KCNIP4: variants seen among roughly 807,000 people sequenced by gnomAD.
The protein encoded by KCNIP4 is potassium voltage-gated channel interacting protein 4, also known as Kv channel-interacting protein 4.
KCNIP4 carries 12 observed loss-of-function variants against 34.0 expected under a neutral mutation model. The observed-to-expected ratio is 0.35, with a 90% CI of 0.23 to 0.57. KCNIP4 has a LOEUF of 0.57. Ranked by LOEUF, KCNIP4 falls within the 20% of genes least tolerant of loss-of-function variation. KCNIP4 has a pLI of 0.83. For missense variants in KCNIP4, 238 were observed against 311.7 expected (o/e 0.76, Z 1.78); for synonymous variants, 124 against 102.2 (o/e 1.21, Z -1.29).
chr4:21,173,429 G>A lies in KCNIP4; in HGVS notation c.62-290720C>T, dbSNP rs538940677. 3.9e-5 allele frequency among the ~76,000 whole-genome samples: 6 copies of A among 152,214 alleles called. No homozygotes were observed. In the South Asian group the frequency reaches 1.0e-3, roughly 26 times the overall value. ...TCCCCACACAAAGAAATAACAAAGCGATGAGAGGTTTCAACAGTCAATAGC... is the reference window on the plus strand; with the variant it reads ...TCCCCACACAAAGAAATAACAAAGCAATGAGAGGTTTCAACAGTCAATAGC... On this transcript the variant is annotated intron_variant, in intron 1 of 8. Transcript: ENST00000382152.
intron 1 of KCNIP4, among the ~76,000 whole-genome samples, chr4:21,245,839 G>A (rs1466148872): frequency 6.6e-6 from 1 of 152,132 alleles, no homozygotes; most frequent in African/African-American, 2.4e-5. Flanking sequence ...CACGTAGCTA[G>A]GGTGTCATCT....
At chr4:20,807,893 G>A (rs1352877050) in intron 3 of KCNIP4, among the ~76,000 whole-genome samples, 1 of 152,056 alleles carries the variant, frequency 6.6e-6, no homozygotes, top group Non-Finnish European at 1.5e-5. Flanking sequence ...TGTCTTCACT[G>A]GCGCACCTAC....
At chr4:21,213,138 G>A (rs762263883) in intron 1 of KCNIP4, among the ~76,000 whole-genome samples, 12 of 152,134 alleles carry the variant, frequency 7.9e-5, no homozygotes, top group South Asian at 2.1e-4. Context: ...TCTCCACTGC[G>A]TCAGCCATGG....
chr4:21,737,682 G>A (rs1716085550), intron 1 of KCNIP4, among the ~76,000 whole-genome samples: 1 of 152,178 alleles, frequency 6.6e-6, no homozygotes, highest in African/African-American at 2.4e-5. Flanking sequence ...TAGGTCCCTG[G>A]TTCTGTGGCT....
intron 1 of KCNIP4, among the ~76,000 whole-genome samples, chr4:21,407,987 C>T (rs1168237941): frequency 6.6e-6 from 1 of 152,120 alleles, no homozygotes; most frequent in Non-Finnish European, 1.5e-5. Flanking sequence ...ACAACTGAAT[C>T]TCTCTAGGCC....
At chr4:21,598,481 T>A (rs1197151906) in intron 1 of KCNIP4, among the ~76,000 whole-genome samples, 1 of 152,028 alleles carries the variant, frequency 6.6e-6, no homozygotes. Context: ...ATGAGAGTGG[T>A]TGTGTGCCAA....
chr4:21,823,810 T>C (rs1433102264), intron 1 of KCNIP4, among the ~76,000 whole-genome samples: 5 of 152,180 alleles, frequency 3.3e-5, no homozygotes, highest in African/African-American at 1.2e-4. Flanking sequence ...GAATCCCTCT[T>C]GGTAAATCAC....
chr4:21,653,032 G>C (rs1747631056), intron 1 of KCNIP4, among the ~76,000 whole-genome samples: 1 of 152,166 alleles, frequency 6.6e-6, no homozygotes, highest in African/African-American at 2.4e-5. Flanking sequence ...AAATGTAAAT[G>C]TGGCTACAGA....
At chr4:21,762,015 T>C (rs1718090671) in intron 1 of KCNIP4, among the ~76,000 whole-genome samples, 1 of 152,164 alleles carries the variant, frequency 6.6e-6, no homozygotes, top group South Asian at 2.1e-4. Context: ...TATATTATCA[T>C]ATAATCCCCA....
At chr4:21,504,475 A>AAAAAAAGAAAGAAAGAAAGAAAG (rs1264431211) in intron 1 of KCNIP4, among the ~76,000 whole-genome samples, 1 of 101,850 alleles carries the variant, frequency 9.8e-6, no homozygotes, top group African/African-American at 3.9e-5. Context: ...CAAAAAAAAA[A>AAAAAAAGAAAGAAAGAAAGAAAG]AAAGAAAGAA....
chr4:21,341,807 C>G (rs1043146093), intron 1 of KCNIP4, among the ~76,000 whole-genome samples: 2 of 152,074 alleles, frequency 1.3e-5, no homozygotes, highest in Admixed American at 1.3e-4. Context: ...CTGCTATCAC[C>G]ACAGTTTTGA....
At chr4:20,890,381 A>T (rs1262987292) in intron 1 of KCNIP4, among the ~76,000 whole-genome samples, 5 of 152,144 alleles carry the variant, frequency 3.3e-5, no homozygotes, top group Admixed American at 3.3e-4. Context: ...AATTTTAAAT[A>T]TGGTGGCCAG....
chr4:21,659,481 T>C (rs938812862), intron 1 of KCNIP4, among the ~76,000 whole-genome samples: 17 of 152,162 alleles, frequency 1.1e-4, no homozygotes, highest in African/African-American at 4.1e-4. Context: ...CCTCTTAGCC[T>C]GGTAGTCAAG....
chr4:21,198,086 A>G (rs1756189458), intron 1 of KCNIP4, among the ~76,000 whole-genome samples: 1 of 152,222 alleles, frequency 6.6e-6, no homozygotes, highest in African/African-American at 2.4e-5. Context: ...ACATATGAGT[A>G]ATTTTCAGAA....
chr4:21,736,471 T>C (rs1199046340), intron 1 of KCNIP4, among the ~76,000 whole-genome samples: 2 of 152,240 alleles, frequency 1.3e-5, no homozygotes, highest in Admixed American at 6.5e-5. Flanking sequence ...AAGTATTTCA[T>C]GATCTTTTCC....
chr4:21,866,751 G>A (rs1364526973), intron 1 of KCNIP4, among the ~76,000 whole-genome samples: 1 of 141,802 alleles, frequency 7.1e-6, no homozygotes, highest in African/African-American at 2.6e-5. Flanking sequence ...GAATTCCATA[G>A]TTCAGCCTGG....
intron 1 of KCNIP4, among the ~76,000 whole-genome samples, chr4:20,939,209 C>G (rs1350361130): frequency 6.6e-6 from 1 of 152,114 alleles, no homozygotes; most frequent in African/African-American, 2.4e-5. Context: ...CTTGATCTCA[C>G]TCCATAGGTT....
chr4:20,765,312 G>C (rs1428642414), intron 3 of KCNIP4, among the ~76,000 whole-genome samples: 1 of 152,032 alleles, frequency 6.6e-6, no homozygotes, highest in Admixed American at 6.6e-5. Flanking sequence ...CTCCTGGAGA[G>C]TCATCTGTGG....
chr4:20,834,253 G>A (rs1272290844), intron 3 of KCNIP4, among the ~76,000 whole-genome samples: 1 of 152,192 alleles, frequency 6.6e-6, no homozygotes, highest in Non-Finnish European at 1.5e-5. Context: ...CCCTGCCTAA[G>A]TGAAATTAGG....
Sources: gnomAD v4.1 joint callset for allele counts (sites outside exome capture counted in the v4.1 genomes callset) on GRCh38, gnomAD v4.1.1 for gene constraint, MANE v1.5 for transcripts, NCBI Gene and HGNC (gene_info 2026-07-23, HGNC 2026-07-21) for gene names.